FGGY: variants seen among roughly 807,000 people sequenced by gnomAD.
FGGY encodes the protein FGGY carbohydrate kinase domain containing, also known as FGGY carbohydrate kinase domain-containing protein.
In FGGY, 72 loss-of-function variants were observed where a neutral mutation model predicts 71.3. The observed-to-expected ratio is 1.01, with a 90% confidence interval of 0.84 to 1.23. The LOEUF (loss-of-function observed/expected upper bound fraction) is 1.23. FGGY is among the 50% of genes most tolerant of loss of function. FGGY has a pLI of 0.00. For synonymous variants in FGGY, 251 were observed against 250.3 expected, an observed-to-expected ratio of 1.00 and a Z score of -0.02; for missense variants, 668 against 682.3, an observed-to-expected ratio of 0.98 and a Z score of 0.23.
At chr1:59,381,058 C>G (rs1340410043) in intron 5 of FGGY, among the ~76,000 whole-genome samples, 2 of 152,132 alleles carry the variant, frequency 1.3e-5, no homozygotes, top group Non-Finnish European at 2.9e-5. Flanking sequence ...AATCCTTTCC[C>G]CATTTCTTGT....
intron 15 of FGGY, 103 bp downstream of exon 15, chr1:59,758,095 G>A (rs1205025433): frequency 4.0e-6 from 3 of 745,540 alleles, no homozygotes; most frequent in Non-Finnish European, 6.4e-6. Context: ...AACTAATCCA[G>A]TCCTTTAATT....
intron 4 of FGGY, among the ~76,000 whole-genome samples, chr1:59,348,595 A>G (rs1280646602): frequency 6.6e-6 from 1 of 152,152 alleles, no homozygotes; most frequent in Non-Finnish European, 1.5e-5. Flanking sequence ...GCTGTGATTC[A>G]TTTACTGGCT....
intron 14 of FGGY, among the ~76,000 whole-genome samples, chr1:59,712,090 A>G (rs753300927): frequency 2.1e-4 from 32 of 152,244 alleles, no homozygotes; most frequent in Non-Finnish European, 4.3e-4. Flanking sequence ...GGATACAGGC[A>G]TTGGGTAAAT....
chr1:59,447,940 A>T (rs919107622), intron 5 of FGGY, among the ~76,000 whole-genome samples: 1 of 152,182 alleles, frequency 6.6e-6, no homozygotes, highest in Non-Finnish European at 1.5e-5. Context: ...GTGAGGTCAC[A>T]TGGGATCTAA....
chr1:59,573,162 T>C (rs1440804042), intron 8 of FGGY, among the ~76,000 whole-genome samples: 1 of 152,198 alleles, frequency 6.6e-6, no homozygotes, highest in East Asian at 1.9e-4. Context: ...AGACATGATA[T>C]CTGAAGGACA....
At chr1:59,651,203 G>A (rs953027992) in intron 11 of FGGY, among the ~76,000 whole-genome samples, 4 of 152,004 alleles carry the variant, frequency 2.6e-5, no homozygotes, top group Non-Finnish European at 4.4e-5. Flanking sequence ...GGTGTGGTGC[G>A]GTGCTGAAAA....
chr1:59,369,750 G>A (rs970831549), intron 4 of FGGY, among the ~76,000 whole-genome samples: 31 of 152,146 alleles, frequency 2.0e-4, no homozygotes, highest in Non-Finnish European at 2.1e-4. Flanking sequence ...AGCATTCACG[G>A]TTCACGAAAA....
intron 6 of FGGY, among the ~76,000 whole-genome samples, chr1:59,504,814 G>T (rs2094334858): frequency 6.6e-6 from 1 of 152,126 alleles, no homozygotes; most frequent in South Asian, 2.1e-4. Flanking sequence ...TCAGCTTCCT[G>T]TGTGAGTGTA....
chr1:59,615,173 A>G (rs1469859557), intron 9 of FGGY, among the ~76,000 whole-genome samples: 3 of 152,222 alleles, frequency 2.0e-5, no homozygotes, highest in African/African-American at 7.2e-5. Flanking sequence ...TGGAATCAAA[A>G]AAGAGCCCAT....
intron 8 of FGGY, among the ~76,000 whole-genome samples, chr1:59,582,478 C>T (rs1248356336): frequency 2.0e-5 from 3 of 149,786 alleles, no homozygotes; most frequent in East Asian, 1.9e-4. Flanking sequence ...TGCACTACTA[C>T]CCCTCACAGT....
chr1:59,704,906 G>A (rs190717268), intron 14 of FGGY, among the ~76,000 whole-genome samples: 1 of 152,290 alleles, frequency 6.6e-6, no homozygotes, highest in East Asian at 1.9e-4. Context: ...TGCCAATGAT[G>A]TCCCTGTGCC....
At chr1:59,537,738 C>A (rs908007698) in intron 7 of FGGY, among the ~76,000 whole-genome samples, 6 of 151,852 alleles carry the variant, frequency 4.0e-5, no homozygotes, top group Non-Finnish European at 8.8e-5. Context: ...GAAAAACAAG[C>A]AATGGGGAAA....
intron 6 of FGGY, among the ~76,000 whole-genome samples, chr1:59,480,947 T>C (rs2093445072): frequency 6.6e-6 from 1 of 152,168 alleles, no homozygotes; most frequent in Non-Finnish European, 1.5e-5. Flanking sequence ...TAGACAAAAA[T>C]GTTGGTATTT....
chr1:59,504,173 G>A (rs2094316225), intron 6 of FGGY, among the ~76,000 whole-genome samples: 1 of 151,634 alleles, frequency 6.6e-6, no homozygotes, highest in Non-Finnish European at 1.5e-5. Flanking sequence ...CTGGAGGGTG[G>A]AGTGCCCAGG....
At chr1:59,388,387 C>T (rs181688698) in intron 5 of FGGY, among the ~76,000 whole-genome samples, 1 of 152,258 alleles carries the variant, frequency 6.6e-6, no homozygotes, top group Non-Finnish European at 1.5e-5. Context: ...ATTTCCCTTA[C>T]CGTCTTGGAG....
At chr1:59,710,074 G>A (rs955316452) in intron 14 of FGGY, among the ~76,000 whole-genome samples, 3 of 152,224 alleles carry the variant, frequency 2.0e-5, no homozygotes, top group Non-Finnish European at 2.9e-5. Flanking sequence ...ACTCACAGAT[G>A]TGTGGTCAGC....
At chr1:59,723,950 G>A (rs1319246796) in intron 14 of FGGY, among the ~76,000 whole-genome samples, 2 of 151,666 alleles carry the variant, frequency 1.3e-5, no homozygotes, top group Non-Finnish European at 2.9e-5. Context: ...ATCACATGAG[G>A]TCAGGAGTTC....
intron 7 of FGGY, among the ~76,000 whole-genome samples, chr1:59,533,979 G>A (rs2095240650): frequency 1.3e-5 from 2 of 152,238 alleles, no homozygotes; most frequent in South Asian, 2.1e-4. Flanking sequence ...AAGCTGGACG[G>A]AGAATGACTT....
chr1:59,739,026 G>T (rs962677190), intron 14 of FGGY, among the ~76,000 whole-genome samples: 2 of 152,166 alleles, frequency 1.3e-5, no homozygotes, highest in South Asian at 4.1e-4. Flanking sequence ...TGCCTTGAAG[G>T]GAGACCAGAA....
Sources: allele counts gnomAD v4.1 joint callset (sites outside exome capture counted in the v4.1 genomes callset), GRCh38; gene constraint gnomAD v4.1.1; transcripts MANE v1.5; gene names NCBI Gene and HGNC (gene_info 2026-07-23, HGNC 2026-07-21).